Variants in NFIA observed in about 807,000 individuals in gnomAD.
NFIA encodes the protein nuclear factor I A, also known as nuclear factor 1 A-type.
In NFIA, 8 loss-of-function variants were observed where a neutral mutation model predicts 62.8. That is an observed-to-expected ratio of 0.13 (90% CI 0.07 to 0.23). The LOEUF (loss-of-function observed/expected upper bound fraction) is 0.23. Ranked by LOEUF, NFIA falls within the 10% of genes least tolerant of loss-of-function variation. The pLI, the probability that NFIA is intolerant of heterozygous loss-of-function variation, is 1.00. For synonymous variants in NFIA, 235 were observed against 238.1 expected, an observed-to-expected ratio of 0.99 and a Z score of 0.12; for missense variants, 410 against 642.1, an observed-to-expected ratio of 0.64 and a Z score of 3.91.
intron 2 of NFIA, among the ~76,000 whole-genome samples, chr1:61,102,494 C>G (rs1174519444): frequency 6.6e-6 from 1 of 152,116 alleles, no homozygotes; most frequent in Non-Finnish European, 1.5e-5. Flanking sequence ...CCATATCCCT[C>G]CTTTTCTTCT....
intron 3 of NFIA, among the ~76,000 whole-genome samples, chr1:61,324,973 G>A (rs956539175): frequency 5.3e-5 from 8 of 152,136 alleles, no homozygotes; most frequent in African/African-American, 1.7e-4. Flanking sequence ...AACTTTTTTA[G>A]CCATATTATA....
chr1:61,100,026 A>G (rs999919122), intron 2 of NFIA, among the ~76,000 whole-genome samples: 33 of 152,188 alleles, frequency 2.2e-4, no homozygotes, highest in African/African-American at 5.8e-4. Flanking sequence ...ACTTGAAACT[A>G]TGGATGGAGT....
chr1:61,089,668 G>A (rs1257153929), intron 2 of NFIA, among the ~76,000 whole-genome samples: 1 of 148,902 alleles, frequency 6.7e-6, no homozygotes, highest in Non-Finnish European at 1.5e-5. Context: ...GGTTGTTTTG[G>A]GGTTCAAATA....
intron 2 of NFIA, among the ~76,000 whole-genome samples, chr1:61,129,447 A>C (rs1262369343): frequency 9.9e-6 from 1 of 101,064 alleles, no homozygotes; most frequent in Non-Finnish European, 1.8e-5. Context: ...TACTTTCTTT[A>C]TTCTTTTTTT....
chr1:61,390,071 G>A (rs1055639405), intron 7 of NFIA, among the ~76,000 whole-genome samples: 1 of 152,168 alleles, frequency 6.6e-6, no homozygotes, highest in Non-Finnish European at 1.5e-5. Flanking sequence ...ACCAGCAGTT[G>A]CACTGCTGTG....
chr1:61,424,747 A>G (rs957164357), intron 9 of NFIA, among the ~76,000 whole-genome samples: 5 of 152,186 alleles, frequency 3.3e-5, no homozygotes, highest in Middle Eastern at 3.2e-3. Flanking sequence ...CTCCTTTTCA[A>G]TATAAAAACT....
At chr1:61,408,622 C>T (rs1445513112) in intron 9 of NFIA, among the ~76,000 whole-genome samples, 1 of 152,198 alleles carries the variant, frequency 6.6e-6, no homozygotes, top group Non-Finnish European at 1.5e-5. Flanking sequence ...CCTCCACTCT[C>T]AATGGCTCGT....
In NFIA at chr1:61,406,697, G is replaced by C; in HGVS notation, c.1390G>C (p.Glu464Gln). 6.2e-7 allele frequency: 1 copy of C among 1,612,560 alleles called. No homozygotes were observed. Residue 464 changes from glutamate (E) to glutamine (Q), a missense_variant, in exon 9 of 11, where the codon GAA (glutamate) becomes CAA (glutamine). Physicochemically the swap from Glu to Gln is conservative, Grantham distance 29 (BLOSUM62 2). Transcript: ENST00000403491. Reference protein sequence around the residue: ...PDTKPPTTSTEGGAASPTSPT... With the variant: ...PDTKPPTTSTQGGAASPTSPT... ...CACAAAGCCTCCAACCACGTCAACA[G>C]AAGGAGGTGCAGCCTCCCCCACGTC...
In NFIA at chr1:61,360,274, G is replaced by C. The variant is rs933869752; in HGVS notation, c.946+1000G>C. 1.0e-3 allele frequency among the ~76,000 whole-genome samples: 152 copies of C among 152,248 alleles called. No individual in the cohort carries two copies. In the Middle Eastern group the frequency reaches 0.01, roughly 10 times the overall value. On this transcript the variant is annotated intron_variant, in intron 6 of 10. Transcript: ENST00000403491. ...TCCAATGTCTAACACGTGGTTTAGA[G>C]GGAATCTTCTCCAAAGCTTCCTGAA... is the stretch of plus-strand genomic sequence containing the variant.
rs1420277513 is a variant in NFIA, at chr1:61,462,413, G to C, written c.*7093G>C. On this transcript the variant is annotated 3_prime_UTR_variant, in exon 11 of 11. Coordinates refer to ENST00000403491, the MANE Select transcript of NFIA (RefSeq NM_001134673.4). ...CTGTTTTCCATTTCAAATTGTAGGG[G>C]GAGGGGATGGAACACTTCCAGTGAT... 3 of 152,142 alleles carry C rather than the reference G, an allele frequency of 2.0e-5. No individual in the cohort carries two copies. Among genetic ancestry groups the C allele is most frequent in the Non-Finnish European group, 2.9e-5 (2 of 68,036 alleles). The allele number at this position is 152,142 out of a possible 1,614,324, so 9.4% of individuals were successfully genotyped here.
intron 7 of NFIA, among the ~76,000 whole-genome samples, chr1:61,383,888 A>T (rs577150491): frequency 2.6e-5 from 4 of 152,328 alleles, no homozygotes; most frequent in East Asian, 3.9e-4. Context: ...AGCAGTCTTC[A>T]TTCACTCCTT....
At chr1:61,282,644 G>A (rs1658206845) in intron 3 of NFIA, among the ~76,000 whole-genome samples, 1 of 152,078 alleles carries the variant, frequency 6.6e-6, no homozygotes, top group Non-Finnish European at 1.5e-5. Context: ...ATAGGCCAGC[G>A]TTGGCACTCT....
intron 2 of NFIA, among the ~76,000 whole-genome samples, chr1:61,235,505 A>T (rs1557653464): frequency 1.5e-5 from 2 of 135,158 alleles, no homozygotes; most frequent in South Asian, 2.3e-4. Context: ...TAAATAAATA[A>T]AAATAAAAAA....
intron 3 of NFIA, among the ~76,000 whole-genome samples, chr1:61,304,314 T>A (rs1385641001): frequency 6.6e-6 from 1 of 152,118 alleles, no homozygotes; most frequent in Non-Finnish European, 1.5e-5. Context: ...CAGGGTGACA[T>A]CATTGAGCTA....
chr1:61,103,571 C>T (rs1646547405), intron 2 of NFIA, among the ~76,000 whole-genome samples: 1 of 152,074 alleles, frequency 6.6e-6, no homozygotes, highest in Non-Finnish European at 1.5e-5. Flanking sequence ...TTTTTGTACC[C>T]CCACATAGGG....
At chr1:61,389,209 G>T (rs537095125) in intron 7 of NFIA, among the ~76,000 whole-genome samples, 28 of 152,320 alleles carry the variant, frequency 1.8e-4, no homozygotes, top group African/African-American at 6.3e-4. Context: ...ACATGTTTCA[G>T]TGGGTTGTTT....
chr1:61,161,554 CCT>C (rs1218199946), intron 2 of NFIA, among the ~76,000 whole-genome samples: 2 of 151,274 alleles, frequency 1.3e-5, no homozygotes, highest in African/African-American at 4.9e-5. Flanking sequence ...AGCTTGAGAT[CCT>C]CTCTTTCTCT....
At chr1:61,102,958 G>A (rs2100439398) in intron 2 of NFIA, among the ~76,000 whole-genome samples, 1 of 152,288 alleles carries the variant, frequency 6.6e-6, no homozygotes, top group East Asian at 1.9e-4. Flanking sequence ...TTAGTGCTGT[G>A]GAATGACCTG....
chr1:61,388,896 T>G (rs868212001), intron 7 of NFIA, among the ~76,000 whole-genome samples: 2 of 152,108 alleles, frequency 1.3e-5, no homozygotes, highest in African/African-American at 4.8e-5. Flanking sequence ...AGGAAGCACT[T>G]GAGGCCAGGG....
Sources: gnomAD v4.1 joint callset for allele counts (sites outside exome capture counted in the v4.1 genomes callset) on GRCh38, gnomAD v4.1.1 for gene constraint, MANE v1.5 for transcripts, NCBI Gene and HGNC (gene_info 2026-07-23, HGNC 2026-07-21) for gene names.